Variants in ZNF584 observed in about 807,000 individuals in gnomAD.
The protein encoded by ZNF584 is zinc finger protein 584.
A neutral mutation model predicts 14.7 loss-of-function variants in ZNF584; 12 were observed. The observed-to-expected ratio is 0.82, with a 90% confidence interval of 0.52 to 1.32. The LOEUF (loss-of-function observed/expected upper bound fraction) is 1.32. ZNF584 is among the 40% of genes most tolerant of loss of function. ZNF584 has a pLI of 0.00. For synonymous variants in ZNF584, 204 were observed against 190.9 expected (o/e 1.07, Z -0.57); for missense variants, 478 against 518.8 (o/e 0.92, Z 0.76).
At position 58,415,233 on chromosome 19, in the gene ZNF584, A is replaced by G. The variant is rs558033322; in HGVS notation, c.170-291A>G. ...GAGACAGGGTCTCACTCTGTTGCCCAGGCTAGAGTCCAATGGTGTGATCGT... is the reference window on the plus strand; with the variant it reads ...GAGACAGGGTCTCACTCTGTTGCCCGGGCTAGAGTCCAATGGTGTGATCGT... On this transcript the variant is annotated intron_variant, in intron 2 of 3. Coordinates refer to ENST00000306910, the MANE Select transcript of ZNF584 (RefSeq NM_173548.3). Among the ~76,000 whole-genome samples the G allele has an allele frequency of 3.3e-5, 5 of 152,152 alleles. No homozygotes were observed. In the East Asian group the frequency reaches 5.8e-4, roughly 18 times the overall value.
intron 3 of ZNF584, 161 bp downstream of exon 3, chr19:58,415,807 C>G (rs1169153844): frequency 2.3e-5 from 37 of 1,605,960 alleles, no homozygotes; most frequent in Non-Finnish European, 3.1e-5. Context: ...CCATCTCTAC[C>G]ATGATTTTCA....
chr19:58,410,571 A>G (rs192011148), intron 2 of ZNF584, among the ~76,000 whole-genome samples: 212 of 6,698 alleles, frequency 0.032, 13 homozygotes, highest in East Asian at 0.1. Context: ...GTATATATAT[A>G]TGTATATATA....
chr19:58,403,946 G>A (rs1355579796), upstream of ZNF584, among the ~76,000 whole-genome samples: 2 of 131,606 alleles, frequency 1.5e-5, no homozygotes, highest in Non-Finnish European at 3.1e-5. Flanking sequence ...GGGTGTCAGA[G>A]CAACTCCGTC....
intron 2 of ZNF584, among the ~76,000 whole-genome samples, chr19:58,411,287 G>A (rs2052568781): frequency 6.6e-6 from 1 of 151,802 alleles, no homozygotes; most frequent in Non-Finnish European, 1.5e-5. Flanking sequence ...AGCATTTTGG[G>A]AGGGCGAGGC....
chr19:58,405,567 G>A (rs1198043088), upstream of ZNF584: 3 of 166,208 alleles, frequency 1.8e-5, no homozygotes, highest in Non-Finnish European at 1.3e-5. Context: ...CTGCTGGGCG[G>A]AGGGGCTCCT....
At chr19:58,404,103 AGCACT>A (rs1448034993), upstream of ZNF584, 11 of 152,336 alleles carry the variant, frequency 7.2e-5, no homozygotes, top group African/African-American at 2.7e-4. Flanking sequence ...ATCAAACTGT[AGCACT>A]GCCTCCCACT....
At chr19:58,403,510 TGGGAGGGAGGGA>T (rs139851744) in intron 1 of ZNF584, among the ~76,000 whole-genome samples, 3 of 95,844 alleles carry the variant, frequency 3.1e-5, no homozygotes, top group African/African-American at 1.4e-4. Context: ...AGGGACTCAG[TGGGAGGGAGGGA>T]GGGAGGGAGG....
chr19:58,411,059 G>A (rs1414943919), intron 2 of ZNF584, among the ~76,000 whole-genome samples: 1 of 151,186 alleles, frequency 6.6e-6, no homozygotes, highest in African/African-American at 2.4e-5. Context: ...CAAAGTGCTG[G>A]GATTACAGGC....
intron 3 of ZNF584, chr19:58,415,874 C>T (rs762704536): frequency 6.3e-7 from 1 of 1,599,268 alleles, no homozygotes; most frequent in African/African-American, 1.3e-5. Flanking sequence ...TTCTCTGTAT[C>T]TGTGCAGAGC....
Position 58,408,964 on chromosome 19 carries a change from C to T in ZNF584, c.-184C>T. ...CTCGCGGACAGGCGCCGTGGGTCTC[C>T]CGGGCCTCCGTACCGTCCTCCTTCC... On this transcript the variant is annotated 5_prime_UTR_variant, in exon 1 of 4. Transcript: ENST00000306910. 4 of 647,638 alleles carry T rather than the reference C, an allele frequency of 6.2e-6. No individual in the cohort carries two copies. The highest frequency in any genetic ancestry group is 7.1e-6 in the Non-Finnish European group (3 of 421,694). 40.1% of individuals were successfully genotyped at this position (647,638 alleles called of 1,614,324 possible).
Position 58,410,176 on chromosome 19 carries a change from A to G in ZNF584, c.169+85A>G, listed in dbSNP as rs533301123. On this transcript the variant is annotated intron_variant, in intron 2 of 3. Transcript: ENST00000306910. ...GTTCTGTCCATAACGAAGCCAGACC[A>G]TGGGGGCTCTTTCCTTCCCAGATTC... 77 of 1,466,960 alleles carry G rather than the reference A, an allele frequency of 5.2e-5. No homozygotes were observed. In the African/African-American group the frequency reaches 7.9e-4, roughly 15 times the overall value. The allele number at this position is 1,466,960 out of a possible 1,614,324, so 90.9% of individuals were successfully genotyped here.
rs2052576105 is a variant in ZNF584 at position 58,411,809 on chromosome 19, A to G, written c.169+1718A>G. On this transcript the variant is annotated intron_variant, in intron 2 of 3. Transcript: ENST00000306910. ...TAGGCGTGCACCACCACGCCCAGCTAATTTTTGTATTTTTCGTAGAGATGG... is the reference window on the plus strand; with the variant it reads ...TAGGCGTGCACCACCACGCCCAGCTGATTTTTGTATTTTTCGTAGAGATGG... 2.0e-5 allele frequency among the ~76,000 whole-genome samples: 3 copies of G among 150,560 alleles called. No individual in the cohort carries two copies. The South Asian group carries it at 6.4e-4, about 32-fold the overall frequency.
chr19:58,409,827 G>A (rs1429722677), intron 1 of ZNF584, 114 bp from the exon 2 acceptor site: 1 of 1,295,956 alleles, frequency 7.7e-7, no homozygotes, highest in African/African-American at 1.5e-5. Flanking sequence ...AGCTCATAGG[G>A]AAAGATAATG....
upstream of ZNF584, chr19:58,407,321 C>T (rs899581710): frequency 5.9e-5 from 9 of 152,372 alleles, no homozygotes; most frequent in African/African-American, 2.2e-4. Flanking sequence ...AAACACAGAC[C>T]TGCAAAAAAT....
In ZNF584 at chr19:58,417,924, G is replaced by A; in HGVS notation, c.*140G>A. 1 of 1,106,858 alleles carries A rather than the reference G, an allele frequency of 9.0e-7. No individual in the cohort carries two copies. The highest frequency in any genetic ancestry group is 1.3e-6 in the Non-Finnish European group (1 of 782,736). The allele number at this position is 1,106,858 out of a possible 1,614,324, so 68.6% of individuals were successfully genotyped here. A position where few individuals can be genotyped will look rare whatever the true frequency, so the allele number is the denominator to read the frequency against. Reference sequence around the variant, plus strand: ...AGTTCCCGTGTGTGCCTGGTGTGTGGGACGCTTTCGGGAGCCACATTGCAC... The same window carrying A: ...AGTTCCCGTGTGTGCCTGGTGTGTGAGACGCTTTCGGGAGCCACATTGCAC... On this transcript the variant is annotated 3_prime_UTR_variant, in exon 4 of 4. Coordinates refer to ENST00000306910, the MANE Select transcript of ZNF584 (RefSeq NM_173548.3).
intron 2 of ZNF584, among the ~76,000 whole-genome samples, chr19:58,410,731 A>G (rs1251966049): frequency 4.0e-5 from 2 of 49,650 alleles, no homozygotes; most frequent in Non-Finnish European, 6.6e-5. Flanking sequence ...ATATATGTAT[A>G]TATATATATG....
At chr19:58,405,099 A>T (rs1568579836), upstream of ZNF584, 2 of 125,680 alleles carry the variant, frequency 1.6e-5, no homozygotes, top group Non-Finnish European at 3.2e-5. Context: ...GGGGCTCCTC[A>T]CTTCCCAGTA....
chr19:58,405,389 G>T (rs1210826362), upstream of ZNF584: 4 of 113,374 alleles, frequency 3.5e-5, no homozygotes, highest in Admixed American at 1.6e-4. Flanking sequence ...CTGGCCGGGT[G>T]GGGGACTGAT....
intron 2 of ZNF584, among the ~76,000 whole-genome samples, chr19:58,410,665 G>GTATATATGTGTA (rs1555785609): frequency 9.6e-5 from 1 of 10,396 alleles, no homozygotes; most frequent in African/African-American, 7.5e-4. Flanking sequence ...GTGTATATAT[G>GTATATATGTGTA]TATATATGTG....
Sources: gnomAD v4.1 joint callset for allele counts (sites outside exome capture counted in the v4.1 genomes callset) on GRCh38, gnomAD v4.1.1 for gene constraint, MANE v1.5 for transcripts, NCBI Gene and HGNC (gene_info 2026-07-23, HGNC 2026-07-21) for gene names.